GHR: variants seen among roughly 807,000 people sequenced by gnomAD.
GHR encodes the protein growth hormone receptor, also known as GH receptor.
GHR carries 35 observed loss-of-function variants against 67.1 expected under a neutral mutation model. The ratio of observed to expected loss-of-function variants is 0.52; its 90% CI spans 0.40 to 0.69. The LOEUF (loss-of-function observed/expected upper bound fraction) is 0.69, where lower values mean the gene tolerates loss of function less well. Among genes scored for constraint, GHR ranks in the 30% least tolerant of loss-of-function variants. GHR has a pLI of 0.00. For missense variants in GHR, 792 were observed against 764.6 expected (o/e 1.04, Z -0.42); for synonymous variants, 272 against 269.1 (o/e 1.01, Z -0.10).
intron 1 of GHR, among the ~76,000 whole-genome samples, chr5:42,463,846 A>C (rs978733937): frequency 2.0e-5 from 3 of 150,552 alleles, no homozygotes; most frequent in Admixed American, 6.6e-5. Context: ...ACAAAAAATT[A>C]GCCGGGCGTA....
At chr5:42,651,920 A>G (rs1755036071) in intron 3 of GHR, among the ~76,000 whole-genome samples, 1 of 152,190 alleles carries the variant, frequency 6.6e-6, no homozygotes, top group Non-Finnish European at 1.5e-5. Flanking sequence ...ATCTTAAAAT[A>G]TTTGGGGGCA....
chr5:42,624,063 T>C (rs1002461099), intron 2 of GHR, among the ~76,000 whole-genome samples: 6 of 152,204 alleles, frequency 3.9e-5, no homozygotes, highest in Non-Finnish European at 7.3e-5. Flanking sequence ...CATAAATCTG[T>C]AGTCTTTCCA....
chr5:42,544,649 T>A (rs2112391015), intron 1 of GHR, among the ~76,000 whole-genome samples: 1 of 152,286 alleles, frequency 6.6e-6, no homozygotes. Context: ...TCCACCCTTG[T>A]TTTGACTGTC....
intron 2 of GHR, among the ~76,000 whole-genome samples, chr5:42,608,209 CAAT>C (rs1752720537): frequency 1.3e-5 from 2 of 152,116 alleles, no homozygotes; most frequent in African/African-American, 4.8e-5. Context: ...TCTTCTTAAA[CAAT>C]AAAACAATAT....
chr5:42,545,398 C>T (rs941367838), intron 1 of GHR, among the ~76,000 whole-genome samples: 8 of 151,962 alleles, frequency 5.3e-5, no homozygotes, highest in East Asian at 1.9e-4. Flanking sequence ...ACTTTTTATA[C>T]GGAGCATGTT....
intron 1 of GHR, among the ~76,000 whole-genome samples, chr5:42,428,215 C>T (rs1475976941): frequency 3.9e-5 from 6 of 152,220 alleles, no homozygotes; most frequent in African/African-American, 1.4e-4. Context: ...GTCTTCTGTG[C>T]ACCTGCAGGA....
In GHR at chr5:42,684,900, C is replaced by A. The variant is rs144530151; in HGVS notation, c.137-3990C>A. On this transcript the variant is annotated intron_variant, in intron 3 of 9. Transcript: ENST00000230882. ...ATTGAGGGCAACAGTTGTTCTCAAA[C>A]AAGGATGCAGTTCCTTTCTTCTTAC... Among the ~76,000 whole-genome samples the A allele has an allele frequency of 1.2e-4, 19 of 152,230 alleles. 1 individual carries two copies. In the East Asian group the frequency reaches 3.7e-3, roughly 29 times the overall value.
intron 1 of GHR, among the ~76,000 whole-genome samples, chr5:42,527,796 C>T (rs1405727223): frequency 6.6e-6 from 1 of 152,164 alleles, no homozygotes. Context: ...AGATTGATCA[C>T]ATAATTGGAA....
intron 1 of GHR, among the ~76,000 whole-genome samples, chr5:42,476,352 T>C (rs1166226302): frequency 1.3e-5 from 2 of 152,098 alleles, no homozygotes; most frequent in African/African-American, 4.8e-5. Context: ...CCCGAGTAGC[T>C]GGGATTACAG....
chr5:42,576,114 A>AAAATAAAATAAAAT (rs1561135870), intron 2 of GHR, among the ~76,000 whole-genome samples: 251 of 97,842 alleles, frequency 2.6e-3, no homozygotes, highest in South Asian at 6.1e-3. Flanking sequence ...AAAATAAAAT[A>AAAATAAAATAAAAT]AAATAAAATA....
At chr5:42,714,938 T>C (rs948599771) in intron 8 of GHR, among the ~76,000 whole-genome samples, 3 of 152,204 alleles carry the variant, frequency 2.0e-5, no homozygotes, top group African/African-American at 7.2e-5. Context: ...TAGTATTAGC[T>C]GTGAATTTCT....
At chr5:42,478,095 C>T (rs377137702) in intron 1 of GHR, among the ~76,000 whole-genome samples, 1 of 152,114 alleles carries the variant, frequency 6.6e-6, no homozygotes, top group African/African-American at 2.4e-5. Flanking sequence ...TTCAGCTTTC[C>T]ACATATGGCT....
intron 1 of GHR, among the ~76,000 whole-genome samples, chr5:42,454,833 C>A (rs1261892270): frequency 6.6e-6 from 1 of 152,132 alleles, no homozygotes; most frequent in East Asian, 1.9e-4. Context: ...CCCTCCCTGT[C>A]TGCCCACAAG....
At chr5:42,551,819 C>T (rs1749049232) in intron 1 of GHR, among the ~76,000 whole-genome samples, 2 of 151,744 alleles carry the variant, frequency 1.3e-5, no homozygotes, top group Admixed American at 1.3e-4. Context: ...TGTAAACTGC[C>T]CCCTAGGATT....
At chr5:42,550,902 T>C (rs1430191363) in intron 1 of GHR, among the ~76,000 whole-genome samples, 1 of 152,202 alleles carries the variant, frequency 6.6e-6, no homozygotes, top group Non-Finnish European at 1.5e-5. Flanking sequence ...CCTCAGGTTA[T>C]GTTCTGCTGC....
At chr5:42,431,373 G>A (rs1215753309) in intron 1 of GHR, among the ~76,000 whole-genome samples, 3 of 152,054 alleles carry the variant, frequency 2.0e-5, no homozygotes, top group Non-Finnish European at 4.4e-5. Context: ...AAGAAGGATG[G>A]AAAAGTCATT....
intron 1 of GHR, among the ~76,000 whole-genome samples, chr5:42,479,939 T>C (rs1453870662): frequency 1.3e-5 from 2 of 152,208 alleles, no homozygotes; most frequent in African/African-American, 4.8e-5. Context: ...CTTTTGAATA[T>C]GTTTGCTCTT....
intron 1 of GHR, among the ~76,000 whole-genome samples, chr5:42,537,520 G>A (rs938034500): frequency 6.6e-6 from 1 of 152,082 alleles, no homozygotes; most frequent in Non-Finnish European, 1.5e-5. Flanking sequence ...GTCTGAGAGA[G>A]TACTTGATAT....
intron 2 of GHR, among the ~76,000 whole-genome samples, chr5:42,597,923 G>A (rs1752165065): frequency 6.6e-6 from 1 of 152,164 alleles, no homozygotes; most frequent in Non-Finnish European, 1.5e-5. Context: ...AGGGATTCAA[G>A]TACAAAATAG....
Sources: gnomAD v4.1 joint callset for allele counts (sites outside exome capture counted in the v4.1 genomes callset) on GRCh38, gnomAD v4.1.1 for gene constraint, MANE v1.5 for transcripts, NCBI Gene and HGNC (gene_info 2026-07-23, HGNC 2026-07-21) for gene names.